Variants in NSMAF observed in about 807,000 individuals in gnomAD.
NSMAF encodes protein FAN.
A neutral mutation model predicts 134.9 loss-of-function variants in NSMAF; 90 were observed. That is an observed-to-expected ratio of 0.67 (90% CI 0.56 to 0.79). The LOEUF is 0.79. Among genes scored for constraint, NSMAF ranks in the 30% least tolerant of loss-of-function variants. The probability of loss-of-function intolerance (pLI) is 0.00; values close to 1 mark genes in which losing one functional copy is unlikely to be tolerated. For synonymous variants in NSMAF, 358 were observed against 389.6 expected, an observed-to-expected ratio of 0.92 and a Z score of 0.96; for missense variants, 1,010 against 1,119.0, an observed-to-expected ratio of 0.90 and a Z score of 1.39.
rs182724200 is a variant in NSMAF, at chr8:58,648,191, G to C, written c.60-5118C>G. Among the ~76,000 whole-genome samples, 5 of 152,288 alleles carry C rather than the reference G, an allele frequency of 3.3e-5. No homozygotes were observed. The East Asian group carries it at 9.6e-4, about 29-fold the overall frequency. ...TCCATGTTCTAGGGATCTGTGGAAG[G>C]TTGAACTTAAGAGTAAGGACTTAGG... is the stretch of plus-strand genomic sequence containing the variant. On this transcript the variant is annotated intron_variant, in intron 1 of 30. Coordinates refer to ENST00000038176, the MANE Select transcript of NSMAF (RefSeq NM_003580.4).
chr8:58,654,787 C>G (rs114861835), intron 1 of NSMAF, among the ~76,000 whole-genome samples: 1 of 152,304 alleles, frequency 6.6e-6, no homozygotes, highest in Non-Finnish European at 1.5e-5. Context: ...AACTATGACT[C>G]TTCCTCAGAA....
chr8:58,642,679 T>C (rs1807363932), intron 2 of NSMAF, among the ~76,000 whole-genome samples: 1 of 152,160 alleles, frequency 6.6e-6, no homozygotes, highest in African/African-American at 2.4e-5. Context: ...AACAAATGCT[T>C]TTTAGCTTTG....
intron 12 of NSMAF, among the ~76,000 whole-genome samples, chr8:58,605,685 C>T (rs1458320345): frequency 1.6e-4 from 24 of 151,902 alleles, no homozygotes; most frequent in East Asian, 3.9e-4. Flanking sequence ...GTTGAACTAC[C>T]TTCATATGAA....
chr8:58,589,431 C>T, intron 26 of NSMAF, 21 bp downstream of exon 26: 1 of 1,427,062 alleles, frequency 7.0e-7, no homozygotes, highest in Non-Finnish European at 9.2e-7. Flanking sequence ...GTTAAAAAAA[C>T]TTTTTAAATT....
chr8:58,648,877 G>A (rs950269789), intron 1 of NSMAF, among the ~76,000 whole-genome samples: 3 of 152,232 alleles, frequency 2.0e-5, no homozygotes, highest in African/African-American at 7.2e-5. Flanking sequence ...ACAAGGATGG[G>A]GCCCATACAG....
At chr8:58,586,662 A>G in intron 27 of NSMAF, 54 bp from the exon 28 acceptor site, 2 of 1,435,742 alleles carry the variant, frequency 1.4e-6, no homozygotes, top group Admixed American at 1.9e-5. Flanking sequence ...GTCATTAGCT[A>G]TGTTTCTCTA....
intron 30 of NSMAF, 84 bp downstream of exon 30, chr8:58,585,568 A>C (rs944175102): frequency 2.0e-6 from 2 of 1,022,538 alleles, no homozygotes; most frequent in African/African-American, 3.2e-5. Context: ...TTTGCCCAAA[A>C]AGAGTATGTT....
At chr8:58,638,476 A>T (rs889539329) in intron 2 of NSMAF, among the ~76,000 whole-genome samples, 1 of 152,224 alleles carries the variant, frequency 6.6e-6, no homozygotes, top group African/African-American at 2.4e-5. Context: ...ATACATCCAC[A>T]TATATGCAGT....
intron 9 of NSMAF, among the ~76,000 whole-genome samples, chr8:58,616,013 G>C (rs1034865939): frequency 6.6e-6 from 1 of 152,068 alleles, no homozygotes; most frequent in African/African-American, 2.4e-5. Context: ...AAGGACATTA[G>C]CAACTTCATA....
chr8:58,601,799 T>G (rs112104200), intron 14 of NSMAF, among the ~76,000 whole-genome samples: 1 of 152,224 alleles, frequency 6.6e-6, no homozygotes, highest in African/African-American at 2.4e-5. Flanking sequence ...GTGTCTCTTA[T>G]GCGATTTACC....
chr8:58,646,639 G>A (rs1056610688), intron 1 of NSMAF, among the ~76,000 whole-genome samples: 3 of 151,694 alleles, frequency 2.0e-5, no homozygotes, highest in African/African-American at 4.8e-5. Flanking sequence ...TGTTATACCC[G>A]CTTTAAAATT....
chr8:58,616,778 T>G (rs769132751), intron 9 of NSMAF, among the ~76,000 whole-genome samples: 22 of 152,176 alleles, frequency 1.4e-4, no homozygotes, highest in Non-Finnish European at 2.8e-4. Context: ...TACGGATTTC[T>G]GTGAAACTGT....
chr8:58,607,775 C>A lies in NSMAF; in HGVS notation c.753G>T (p.Met251Ile). ...CAGCCTCCCAAGGACTCACCAGAGG[C>A]ATGAGGCCGTGCCTCCTTTTGTAGA... Reference protein sequence around the residue: ...RRIYKRRHGLMPLGLEVFCTE... With the variant: ...RRIYKRRHGLIPLGLEVFCTE... Residue 251 changes from methionine (M) to isoleucine (I), a missense_variant, in exon 11 of 31, where the codon ATG becomes ATT. Met to Ile is a conservative substitution (Grantham distance 10). Coordinates refer to ENST00000038176, the MANE Select transcript of NSMAF (RefSeq NM_003580.4). 1.2e-5 allele frequency: 19 copies of A among 1,613,686 alleles called. No homozygotes were observed. The highest frequency in any genetic ancestry group is 1.6e-5 in the Non-Finnish European group (19 of 1,179,568).
At chr8:58,594,600 A>C (rs1277529449) in intron 22 of NSMAF, 1 of 356,704 alleles carries the variant, frequency 2.8e-6, no homozygotes, top group Non-Finnish European at 5.1e-6. Context: ...CCCTCGTTTG[A>C]CCATCACCAA....
chr8:58,635,511 G>A lies in NSMAF; in HGVS notation c.185C>T (p.Ser62Leu), dbSNP rs35436008. 5.0e-6 allele frequency: 8 copies of A among 1,605,218 alleles called. No homozygotes were observed. Among genetic ancestry groups the A allele is most frequent in the Non-Finnish European group, 6.8e-6 (8 of 1,176,878 alleles). ...TATTGAATCTGGTTCAAAAATCACC[G>A]ATTTTGAACATATTTTTAAGGAGCC... ...IRGSLKICSK[S>L]VIFEPDSISQ... The change falls in exon 3 of 31, where the codon TCG becomes TTG. Residue 62 changes from serine (S) to leucine (L), a missense_variant. Physicochemically the swap from Ser to Leu is moderately radical, Grantham distance 145 (BLOSUM62 -2). Transcript: ENST00000038176.
chr8:58,597,960 T>C, intron 19 of NSMAF, 58 bp from the exon 20 acceptor site: 1 of 1,239,106 alleles, frequency 8.1e-7, no homozygotes, highest in African/African-American at 1.5e-5. Context: ...TAATATACAC[T>C]GTTTAGAACC....
intron 5 of NSMAF, among the ~76,000 whole-genome samples, chr8:58,633,375 T>G (rs1206823432): frequency 6.6e-6 from 1 of 152,250 alleles, no homozygotes; most frequent in Non-Finnish European, 1.5e-5. Context: ...CTCAATGCCT[T>G]AAGCCTTCTG....
rs1184651369 is a variant in NSMAF, at chr8:58,600,196, C to T, written c.1281-175G>A. ...ACTTTAACAAAAGGGAACACTGGGG[C>T]CCAGAGAGTTTATGTAACTTCTCCA... On this transcript the variant is annotated intron_variant, in intron 16 of 30. Coordinates refer to ENST00000038176, the MANE Select transcript of NSMAF (RefSeq NM_003580.4). 8 of 605,342 alleles carry T rather than the reference C, an allele frequency of 1.3e-5. No homozygotes were observed. In the East Asian group the frequency reaches 1.9e-4, roughly 15 times the overall value. 37.5% of individuals were successfully genotyped at this position (605,342 alleles called of 1,614,324 possible). A position where few individuals can be genotyped will look rare whatever the true frequency, so the allele number is the denominator to read the frequency against.
At chr8:58,589,801 A>G in intron 25 of NSMAF, 1 of 613,298 alleles carries the variant, frequency 1.6e-6, no homozygotes, top group Non-Finnish European at 2.7e-6. Context: ...TAAAACTTAG[A>G]GAAAAACAGA....
Sources: allele counts gnomAD v4.1 joint callset (sites outside exome capture counted in the v4.1 genomes callset), GRCh38; gene constraint gnomAD v4.1.1; transcripts MANE v1.5; gene names NCBI Gene and HGNC (gene_info 2026-07-23, HGNC 2026-07-21).